Variants in PHF21B observed in about 807,000 individuals in gnomAD.
PHF21B encodes PHD finger protein 21B.
A neutral mutation model predicts 62.2 loss-of-function variants in PHF21B; 22 were observed. The ratio of observed to expected loss-of-function variants is 0.35; its 90% CI spans 0.25 to 0.51. PHF21B has a LOEUF of 0.51. PHF21B is among the 20% of genes least tolerant of loss of function. The pLI, the probability that PHF21B is intolerant of heterozygous loss-of-function variation, is 0.97. For missense variants in PHF21B, 701 were observed against 707.9 expected, an observed-to-expected ratio of 0.99 and a Z score of 0.11; for synonymous variants, 341 against 314.7, an observed-to-expected ratio of 1.08 and a Z score of -0.88.
chr22:44,970,406 GC>G (rs2072614913), intron 2 of PHF21B, among the ~76,000 whole-genome samples: 1 of 152,234 alleles, frequency 6.6e-6, no homozygotes, highest in Non-Finnish European at 1.5e-5. Context: ...CAGCACCTGT[GC>G]CAGGGGAGGG....
intron 2 of PHF21B, among the ~76,000 whole-genome samples, chr22:44,937,268 G>T (rs796358924): frequency 3.9e-5 from 6 of 152,336 alleles, no homozygotes; most frequent in African/African-American, 1.4e-4. Flanking sequence ...TCATCCCCAA[G>T]AGCAGTGACT....
At chr22:44,896,560 A>G (rs1569213052) in intron 5 of PHF21B, among the ~76,000 whole-genome samples, 1 of 152,232 alleles carries the variant, frequency 6.6e-6, no homozygotes, top group Non-Finnish European at 1.5e-5. Context: ...ATGTCACATA[A>G]CACGTCACTG....
intron 2 of PHF21B, among the ~76,000 whole-genome samples, chr22:44,937,669 G>A (rs2071876520): frequency 1.3e-5 from 2 of 152,228 alleles, no homozygotes; most frequent in South Asian, 2.1e-4. Context: ...TCTTAAAAGG[G>A]AAAACAACTC....
chr22:44,991,562 C>G (rs1257614031), intron 2 of PHF21B, among the ~76,000 whole-genome samples: 1 of 152,172 alleles, frequency 6.6e-6, no homozygotes, highest in Admixed American at 6.5e-5. Context: ...TGGCGTCCCC[C>G]TAGATGGTGA....
At chr22:44,982,547 G>A (rs1054852358) in intron 2 of PHF21B, among the ~76,000 whole-genome samples, 2 of 152,134 alleles carry the variant, frequency 1.3e-5, no homozygotes, top group African/African-American at 4.8e-5. Context: ...AGTGCTCGGC[G>A]GGTCCTAAGC....
Position 45,009,780 on chromosome 22 carries a change from C to T in PHF21B, c.-231G>A, listed in dbSNP as rs1224925273. ...GGCTGCCCCAACTCCTCAGGCTGCC[C>T]GGCAAGTTGCGCCGGGTCCCCGGGC... On this transcript the variant is annotated 5_prime_UTR_variant, in exon 1 of 13. Transcript: ENST00000313237. This position sits in a 1 kb window ranked among gnomAD's most constrained non-coding sequence, Gnocchi z 5.9. 9 of 271,728 alleles carry T rather than the reference C, an allele frequency of 3.3e-5. No homozygotes were observed. The highest frequency in any genetic ancestry group is 5.5e-5 in the Non-Finnish European group (8 of 145,524). 16.8% of individuals were successfully genotyped at this position (271,728 alleles called of 1,614,324 possible).
At chr22:44,969,757 T>C (rs182278259) in intron 2 of PHF21B, among the ~76,000 whole-genome samples, 1 of 152,286 alleles carries the variant, frequency 6.6e-6, no homozygotes, top group Admixed American at 6.5e-5. Context: ...GCTCAGCATA[T>C]GACATGCATG....
At position 45,009,984 on chromosome 22, in the gene PHF21B, G is replaced by C. The variant is rs1281258640; in HGVS notation, c.-435C>G. 6.8e-6 allele frequency: 1 copy of C among 146,160 alleles called. No individual in the cohort carries two copies. The highest frequency in any genetic ancestry group is 1.5e-5 in the Non-Finnish European group (1 of 65,556). 9.1% of individuals were successfully genotyped at this position (146,160 alleles called of 1,614,324 possible). A position where few individuals can be genotyped will look rare whatever the true frequency, so the allele number is the denominator to read the frequency against. On this transcript the variant is annotated 5_prime_UTR_variant, in exon 1 of 13. Coordinates refer to ENST00000313237, the MANE Select transcript of PHF21B (RefSeq NM_138415.5). This position sits in a 1 kb window ranked among gnomAD's most constrained non-coding sequence, Gnocchi z 5.9. Reference sequence around the variant, plus strand: ...TTGGGCCTCGGCAAAGTTGTGCCTCGGCACGATGCTAATTCGGCAGTGCCC... The same window carrying C: ...TTGGGCCTCGGCAAAGTTGTGCCTCCGCACGATGCTAATTCGGCAGTGCCC...
intron 2 of PHF21B, among the ~76,000 whole-genome samples, chr22:44,936,861 A>G (rs1042257325): frequency 1.0e-5 from 1 of 99,548 alleles, no homozygotes; most frequent in African/African-American, 4.1e-5. Context: ...GTGGACATCC[A>G]CTTTCTTTCT....
Position 44,885,547 on chromosome 22 carries a change from A to C in PHF21B, c.1274-18T>G. On this transcript the variant is annotated intron_variant, in intron 11 of 12. Transcript: ENST00000313237. ...TTCTTTGACTAGAAAAGAGAAGGCCAGGTCCCTGGAGAGGGGCAGGTAAGG... is the reference window on the plus strand; with the variant it reads ...TTCTTTGACTAGAAAAGAGAAGGCCCGGTCCCTGGAGAGGGGCAGGTAAGG... 2 of 1,568,304 alleles carry C rather than the reference A, an allele frequency of 1.3e-6. No individual in the cohort carries two copies. The highest frequency in any genetic ancestry group is 1.7e-6 in the Non-Finnish European group (2 of 1,156,126).
rs373879092 is a variant in PHF21B, at chr22:44,964,585, T to G, written c.120+43960A>C. On this transcript the variant is annotated intron_variant, in intron 2 of 12. Coordinates refer to ENST00000313237, the MANE Select transcript of PHF21B (RefSeq NM_138415.5). ...ATTATGCTAATTCCAGCTGCAGTGA[T>G]TAGTAACTACATTTTAAAGGGAGAT... 7.2e-5 allele frequency among the ~76,000 whole-genome samples: 11 copies of G among 152,364 alleles called. No homozygotes were observed. In the East Asian group the frequency reaches 2.1e-3, roughly 29 times the overall value.
intron 12 of PHF21B, among the ~76,000 whole-genome samples, chr22:44,884,567 T>C (rs1315863099): frequency 4.3e-5 from 2 of 47,048 alleles, no homozygotes; most frequent in African/African-American, 1.5e-4. Flanking sequence ...TGATCGCCAT[T>C]ATCACCATCA....
At chr22:44,895,909 C>A in intron 6 of PHF21B, 123 bp downstream of exon 6, 4 of 1,051,670 alleles carry the variant, frequency 3.8e-6, no homozygotes, top group Non-Finnish European at 5.9e-6. Context: ...CAGTGTGAGG[C>A]CACGCTCCAC....
intron 2 of PHF21B, among the ~76,000 whole-genome samples, chr22:45,007,503 G>C (rs2073340358): frequency 6.9e-6 from 1 of 145,474 alleles, no homozygotes; most frequent in African/African-American, 2.5e-5. Flanking sequence ...GCTGCGGCCG[G>C]CATTCCGAAG....
At chr22:45,007,760 C>T in intron 2 of PHF21B, among the ~76,000 whole-genome samples, 1 of 85,614 alleles carries the variant, frequency 1.2e-5, no homozygotes, top group South Asian at 4.2e-4. Context: ...GGGGGAGGGG[C>T]AGCGGAGGAG....
At chr22:44,991,308 A>T (rs1418062880) in intron 2 of PHF21B, among the ~76,000 whole-genome samples, 2 of 152,150 alleles carry the variant, frequency 1.3e-5, no homozygotes, top group Admixed American at 6.5e-5. Flanking sequence ...TGCAGTACAG[A>T]TTCTCCCACC....
intron 2 of PHF21B, chr22:44,989,453 T>A (rs1485889216): frequency 6.6e-6 from 1 of 151,900 alleles, no homozygotes; most frequent in Non-Finnish European, 1.5e-5. Flanking sequence ...GCCCAATACC[T>A]CAAGATGCTG....
intron 7 of PHF21B, among the ~76,000 whole-genome samples, chr22:44,891,869 A>G (rs1330929892): frequency 1.3e-5 from 2 of 152,222 alleles, no homozygotes; most frequent in Non-Finnish European, 2.9e-5. Context: ...CACAGGCCAC[A>G]CCGGTCTAAA....
Position 45,009,591 on chromosome 22 carries a change from G to C in PHF21B, c.-42C>G. ...GCACTTTGCGCTCACTTTGGCCCGG[G>C]CTCCCGGGAAGTTGCGCGGCTCCGC... On this transcript the variant is annotated 5_prime_UTR_variant, in exon 1 of 13. Coordinates refer to ENST00000313237, the MANE Select transcript of PHF21B (RefSeq NM_138415.5). The surrounding 1 kb of genome is among the most constrained non-coding windows in gnomAD (Gnocchi z 5.9). 1 of 1,520,640 alleles carries C rather than the reference G, an allele frequency of 6.6e-7. No homozygotes were observed. The highest frequency in any genetic ancestry group is 8.7e-7 in the Non-Finnish European group (1 of 1,145,900). 94.2% of individuals were successfully genotyped at this position (1,520,640 alleles called of 1,614,324 possible). A position where few individuals can be genotyped will look rare whatever the true frequency, so the allele number is the denominator to read the frequency against.
Sources: allele counts gnomAD v4.1 joint callset (sites outside exome capture counted in the v4.1 genomes callset), GRCh38; gene constraint gnomAD v4.1.1; non-coding constraint Gnocchi (gnomAD v3.1); transcripts MANE v1.5; gene names NCBI Gene and HGNC (gene_info 2026-07-23, HGNC 2026-07-21).